The following MICAL3 variants were observed in gnomAD, a reference collection of about 807,000 sequenced individuals.
MICAL3 encodes the protein microtubule associated monooxygenase, calponin and LIM domain containing 3, also known as [F-actin]-monooxygenase MICAL3.
In MICAL3, 62 loss-of-function variants were observed where a neutral mutation model predicts 207.4. That is an observed-to-expected ratio of 0.30 (90% CI 0.24 to 0.37). The LOEUF (loss-of-function observed/expected upper bound fraction) is 0.37, where lower values mean the gene tolerates loss of function less well. MICAL3 is among the 10% of genes least tolerant of loss of function. MICAL3 has a pLI of 1.00. For missense variants in MICAL3, 2,368 were observed against 2,635.6 expected (o/e 0.90, Z 2.22); for synonymous variants, 1,077 against 1,069.3 (o/e 1.01, Z -0.14).
chr22:17,942,356 G>C (rs886785749), intron 1 of MICAL3, among the ~76,000 whole-genome samples: 4 of 152,174 alleles, frequency 2.6e-5, no homozygotes, highest in African/African-American at 9.7e-5. Flanking sequence ...ACCAAGAACA[G>C]CTCTGTGGGT....
At chr22:17,931,992 G>A (rs1481865325) in intron 1 of MICAL3, among the ~76,000 whole-genome samples, 1 of 152,170 alleles carries the variant, frequency 6.6e-6, no homozygotes, top group Non-Finnish European at 1.5e-5. Flanking sequence ...CCGTCTAGTG[G>A]AAAATACAGA....
At chr22:17,980,963 ATCTG>A (rs1442900200) in intron 1 of MICAL3, 1 of 521,438 alleles carries the variant, frequency 1.9e-6, no homozygotes, top group Non-Finnish European at 4.0e-6. Context: ...GTCTGTGATC[ATCTG>A]TCTATTGGTC....
At chr22:17,989,629 G>A (rs887535961) in intron 1 of MICAL3, among the ~76,000 whole-genome samples, 7 of 152,102 alleles carry the variant, frequency 4.6e-5, no homozygotes, top group African/African-American at 1.7e-4. Context: ...CATGGCCTGA[G>A]CACAGTTCAA....
rs373750447 is a variant in MICAL3 at position 17,973,149 on chromosome 22, G to C, written c.-75+51132C>G. Among the ~76,000 whole-genome samples, 6 of 152,218 alleles carry C rather than the reference G, an allele frequency of 3.9e-5. No individual in the cohort carries two copies. In the East Asian group the frequency reaches 1.2e-3, roughly 29 times the overall value. ...GTAAGCCTCCTTCACCACCCAGATGGGGGGAAAAGGGAGAAGAGAGGTGTG... is the reference window on the plus strand; with the variant it reads ...GTAAGCCTCCTTCACCACCCAGATGCGGGGAAAAGGGAGAAGAGAGGTGTG... On this transcript the variant is annotated intron_variant, in intron 1 of 31. Transcript: ENST00000441493.
intron 19 of MICAL3, among the ~76,000 whole-genome samples, chr22:17,850,153 C>T (rs56142342): frequency 2.0e-5 from 3 of 152,060 alleles, no homozygotes; most frequent in African/African-American, 7.2e-5. Context: ...TTGGGAAATT[C>T]TGAGTTAAAT....
intron 1 of MICAL3, among the ~76,000 whole-genome samples, chr22:17,951,693 ATTTC>A (rs145981461): frequency 0.026 from 3,992 of 151,358 alleles, 184 homozygotes; most frequent in African/African-American, 0.093. Flanking sequence ...AGTGTTTAAA[ATTTC>A]TTTCTTTTTT....
At chr22:17,864,728 G>A (rs1485885808) in intron 19 of MICAL3, 171 bp downstream of exon 19, 1 of 1,613,586 alleles carries the variant, frequency 6.2e-7, no homozygotes, top group South Asian at 1.1e-5. Context: ...TAGAGAAAGG[G>A]GACTCCGAAC....
In MICAL3 at chr22:17,904,848, C is replaced by A; in HGVS notation, c.265-9G>T. On this transcript the variant is annotated splice_polypyrimidine_tract_variant and intron_variant, in intron 2 of 31. Transcript: ENST00000441493. Reference sequence around the variant, plus strand: ...GCCCCAATGATGAGACACTGAAAAACACAGCTGCTTTCAGGGCAGGCGGCA... The same window carrying A: ...GCCCCAATGATGAGACACTGAAAAAAACAGCTGCTTTCAGGGCAGGCGGCA... The A allele has an allele frequency of 6.2e-7, 1 of 1,605,004 alleles. No individual in the cohort carries two copies. Among genetic ancestry groups the A allele is most frequent in the Non-Finnish European group, 8.5e-7 (1 of 1,171,794 alleles).
At position 17,885,848 on chromosome 22, in the gene MICAL3, C is replaced by T. The variant is rs79989383; in HGVS notation, c.2241+30G>A. ...CCCTTCTTGTGTGATCTGACCAAATCGGTGTGGGCAGGGCACGGGTTGGGT... is the reference window on the plus strand; with the variant it reads ...CCCTTCTTGTGTGATCTGACCAAATTGGTGTGGGCAGGGCACGGGTTGGGT... On this transcript the variant is annotated intron_variant, in intron 16 of 31. Coordinates refer to ENST00000441493, the MANE Select transcript of MICAL3 (RefSeq NM_015241.3). 4,388 of 1,608,160 alleles carry T rather than the reference C, an allele frequency of 2.7e-3. 85 individuals carry two copies. In the African/African-American group the frequency reaches 0.045, roughly 17 times the overall value.
intron 1 of MICAL3, among the ~76,000 whole-genome samples, chr22:17,965,238 T>C (rs956407634): frequency 1.3e-5 from 2 of 151,268 alleles, no homozygotes; most frequent in African/African-American, 4.9e-5. Flanking sequence ...AGAATGGCTG[T>C]GCTTGCGAGA....
intron 1 of MICAL3, among the ~76,000 whole-genome samples, chr22:17,932,246 C>A (rs1421976306): frequency 6.6e-6 from 1 of 152,184 alleles, no homozygotes; most frequent in Non-Finnish European, 1.5e-5. Flanking sequence ...GAGTTACCCA[C>A]AAAGGGAAGG....
chr22:17,937,639 G>A (rs796289391), intron 1 of MICAL3, among the ~76,000 whole-genome samples: 40 of 152,214 alleles, frequency 2.6e-4, no homozygotes, highest in African/African-American at 9.6e-4. Flanking sequence ...CTCCAGCCTG[G>A]GAAAGAAGAG....
At chr22:17,928,945 C>T (rs1933070933) in intron 1 of MICAL3, among the ~76,000 whole-genome samples, 1 of 152,156 alleles carries the variant, frequency 6.6e-6, no homozygotes, top group African/African-American at 2.4e-5. Flanking sequence ...CAGGCGCCCG[C>T]CACCACGCCT....
intron 27 of MICAL3, chr22:17,813,594 G>A (rs566467513): frequency 1.3e-5 from 2 of 152,356 alleles, no homozygotes; most frequent in East Asian, 1.9e-4. Context: ...TTCCCGAAGC[G>A]GCTGCAAAAA....
At chr22:17,921,008 G>T (rs1192518750) in intron 1 of MICAL3, among the ~76,000 whole-genome samples, 3 of 152,128 alleles carry the variant, frequency 2.0e-5, no homozygotes, top group Non-Finnish European at 4.4e-5. Context: ...CTACAAAGAT[G>T]ACTCCCTCGC....
intron 1 of MICAL3, among the ~76,000 whole-genome samples, chr22:17,965,136 GAA>G (rs938620983): frequency 2.4e-5 from 3 of 123,760 alleles, no homozygotes; most frequent in Non-Finnish European, 4.8e-5. Context: ...TATTTAAAAA[GAA>G]GAGAGTTTGA....
At chr22:18,000,666 A>G (rs1922859921) in intron 1 of MICAL3, among the ~76,000 whole-genome samples, 1 of 152,230 alleles carries the variant, frequency 6.6e-6, no homozygotes, top group African/African-American at 2.4e-5. Context: ...GGAGACCTCC[A>G]AAAGCGCGGT....
At position 17,817,928 on chromosome 22, in the gene MICAL3, T is replaced by C. The variant is rs530120029; in HGVS notation, c.4733A>G (p.Gln1578Arg). ...GGACACCAAGGGCAGCCCCCTCTTC[T>C]GTGGCTGCAGCGTCCCCTCCAGAGC... ...LPALEGTLQP[Q>R]KRGLPLVSAE... Residue 1578 changes from glutamine (Q) to arginine (R), a missense_variant, in exon 26 of 32, where the codon CAG becomes CGG. Gln to Arg is a conservative substitution (Grantham distance 43, BLOSUM62 1). Around this residue, in one of 4 missense-constraint regions of MICAL3, gnomAD observed 1,770 missense variants for 1,863.2 expected, o/e 0.95. Transcript: ENST00000441493. 1 of 1,612,446 alleles carries C rather than the reference T, an allele frequency of 6.2e-7. No individual in the cohort carries two copies. The highest frequency in any genetic ancestry group is 1.3e-5 in the African/African-American group (1 of 75,046).
intron 1 of MICAL3, among the ~76,000 whole-genome samples, chr22:17,917,138 C>T (rs1932575846): frequency 6.6e-6 from 1 of 152,144 alleles, no homozygotes; most frequent in African/African-American, 2.4e-5. Flanking sequence ...GATCCTCCCT[C>T]CCGTAGATTT....
Sources: allele counts gnomAD v4.1 joint callset (sites outside exome capture counted in the v4.1 genomes callset), GRCh38; gene constraint gnomAD v4.1.1; regional missense constraint gnomAD v4.1.1; transcripts MANE v1.5; gene names NCBI Gene and HGNC (gene_info 2026-07-23, HGNC 2026-07-21).